Variants in NWD2 observed in about 807,000 individuals in gnomAD.
The protein encoded by NWD2 is NACHT and WD repeat domain-containing protein 2.
Under a neutral mutation model 132.7 loss-of-function variants are expected in NWD2, and 37 were observed. The ratio of observed to expected loss-of-function variants is 0.28; its 90% CI spans 0.21 to 0.37. NWD2 has a LOEUF of 0.37. NWD2 is among the 10% of genes least tolerant of loss of function. The probability of loss-of-function intolerance (pLI) is 1.00; values close to 1 mark genes in which losing one functional copy is unlikely to be tolerated. For synonymous variants in NWD2, 705 were observed against 803.0 expected, an observed-to-expected ratio of 0.88 and a Z score of 2.06; for missense variants, 1,592 against 2,122.4, an observed-to-expected ratio of 0.75 and a Z score of 4.91.
At chr4:37,350,578 T>C (rs180925215) in intron 2 of NWD2, among the ~76,000 whole-genome samples, 440 of 152,344 alleles carry the variant, frequency 2.9e-3, no homozygotes, top group Non-Finnish European at 5.3e-3. Flanking sequence ...TTAAGGAGTT[T>C]TTGGGCTGAG....
At chr4:37,381,623 T>C (rs999942811) in intron 3 of NWD2, among the ~76,000 whole-genome samples, 33 of 152,202 alleles carry the variant, frequency 2.2e-4, no homozygotes, top group African/African-American at 8.0e-4. Flanking sequence ...AATACACAAT[T>C]ATGAAATTAA....
At chr4:37,259,779 C>T (rs1717591718) in intron 1 of NWD2, among the ~76,000 whole-genome samples, 1 of 152,162 alleles carries the variant, frequency 6.6e-6, no homozygotes. Context: ...ATGGATGTTG[C>T]TCCCCAAGTT....
intron 4 of NWD2, among the ~76,000 whole-genome samples, chr4:37,432,997 G>A (rs1424786378): frequency 2.0e-5 from 3 of 152,152 alleles, no homozygotes; most frequent in Non-Finnish European, 2.9e-5. Context: ...TGGGTTATCC[G>A]CAGTTCTCCA....
chr4:37,392,269 T>C (rs1227714009), intron 3 of NWD2, among the ~76,000 whole-genome samples: 6 of 151,848 alleles, frequency 4.0e-5, no homozygotes, highest in Non-Finnish European at 8.8e-5. Flanking sequence ...CACCTGAGAG[T>C]GTAGTACAGA....
intron 2 of NWD2, among the ~76,000 whole-genome samples, chr4:37,344,922 T>C (rs1285156471): frequency 6.6e-6 from 1 of 152,202 alleles, no homozygotes; most frequent in Admixed American, 6.5e-5. Flanking sequence ...GCTTTTTGTC[T>C]CTATGGATTT....
At chr4:37,305,512 C>T (rs1045984323) in intron 1 of NWD2, among the ~76,000 whole-genome samples, 8 of 152,264 alleles carry the variant, frequency 5.3e-5, no homozygotes, top group South Asian at 2.1e-4. Flanking sequence ...CGTTGAAGTA[C>T]GTTCTTTCTG....
chr4:37,306,667 T>C (rs1025646212), intron 1 of NWD2, among the ~76,000 whole-genome samples: 1 of 152,256 alleles, frequency 6.6e-6, no homozygotes, highest in African/African-American at 2.4e-5. Flanking sequence ...ATACTTGATA[T>C]GATTTTAGTT....
At chr4:37,389,935 A>T (rs1026294374) in intron 3 of NWD2, among the ~76,000 whole-genome samples, 6 of 151,966 alleles carry the variant, frequency 3.9e-5, no homozygotes, top group African/African-American at 1.5e-4. Context: ...CCCCACCACC[A>T]TGCCTGGCTA....
chr4:37,244,962 G>A lies in NWD2; in HGVS notation c.-106G>A. ...GCTCGGAGCGGCTCTGAGCCGCGCC[G>A]CCTGCTGAGATCGACCGCCTGCTGA... On this transcript the variant is annotated 5_prime_UTR_variant, in exon 1 of 7. Transcript: ENST00000309447. This position sits in a 1 kb window ranked among gnomAD's most constrained non-coding sequence, Gnocchi z 5.5. 6.9e-7 allele frequency: 1 copy of A among 1,447,884 alleles called. No homozygotes were observed. The highest frequency in any genetic ancestry group is 9.2e-7 in the Non-Finnish European group (1 of 1,081,418). The allele number at this position is 1,447,884 out of a possible 1,614,324, so 89.7% of individuals were successfully genotyped here. A position where few individuals can be genotyped will look rare whatever the true frequency, so the allele number is the denominator to read the frequency against.
At chr4:37,304,553 A>G (rs1028613261) in intron 1 of NWD2, among the ~76,000 whole-genome samples, 1 of 147,010 alleles carries the variant, frequency 6.8e-6, no homozygotes. Context: ...TCTGGGATAC[A>G]GTGGGGGTAC....
In NWD2 at chr4:37,447,104, AGTG is replaced by A; in HGVS notation, c.5117_5119del (p.Ser1706_Asp1707delinsAsn). The A allele has an allele frequency of 6.4e-7, 1 of 1,551,594 alleles. No individual in the cohort carries two copies. On this transcript the variant is annotated inframe_deletion, in exon 7 of 7. Transcript: ENST00000309447. The stretch of plus-strand genomic sequence containing the variant: ...TGCAAGAGACAGCCCCATCACAGTT[AGTG>A]ACTCTACTGAGTCCAATGAAGCAAC...
Position 37,438,904 on chromosome 4 carries a change from GA to G in NWD2, c.814del (p.Ile272SerfsTer10). ...RKIANIERFV[K>X]IPEMGKYMDI... is the part of the protein sequence containing the mutation. ...AAATTGCTAACATTGAGCGCTTTGT[GA>G]AAATCCCAGAGATGGGAAAATACAT... is the stretch of plus-strand genomic sequence containing the variant. On this transcript the variant is annotated frameshift_variant, in exon 6 of 7. Coordinates refer to ENST00000309447, the MANE Select transcript of NWD2 (RefSeq NM_001144990.2). LOFTEE classifies it high-confidence loss of function. 6.4e-7 allele frequency: 1 copy of G among 1,551,956 alleles called. No individual in the cohort carries two copies.
intron 1 of NWD2, among the ~76,000 whole-genome samples, chr4:37,298,670 T>C (rs1042363754): frequency 1.3e-5 from 2 of 152,114 alleles, no homozygotes; most frequent in Admixed American, 1.3e-4. Flanking sequence ...AGAAAATCAT[T>C]ATTTGACAAC....
At chr4:37,409,452 A>G (rs2109318476) in intron 3 of NWD2, among the ~76,000 whole-genome samples, 1 of 152,094 alleles carries the variant, frequency 6.6e-6, no homozygotes, top group South Asian at 2.1e-4. Flanking sequence ...TGAAGACAAG[A>G]TTATGGAAAA....
chr4:37,339,676 T>A (rs1719480034), intron 2 of NWD2, among the ~76,000 whole-genome samples: 1 of 152,196 alleles, frequency 6.6e-6, no homozygotes, highest in Non-Finnish European at 1.5e-5. Flanking sequence ...AGCTATTTCT[T>A]TTTCTTTCTT....
intron 1 of NWD2, among the ~76,000 whole-genome samples, chr4:37,305,091 G>A (rs749785902): frequency 5.3e-5 from 8 of 152,212 alleles, no homozygotes; most frequent in Admixed American, 2.6e-4. Context: ...TCAACGCTAC[G>A]TGGAAGTTGC....
At chr4:37,392,992 C>T (rs1455537144) in intron 3 of NWD2, among the ~76,000 whole-genome samples, 4 of 152,178 alleles carry the variant, frequency 2.6e-5, no homozygotes, top group Non-Finnish European at 4.4e-5. Flanking sequence ...CTCGGTCTGA[C>T]ATAAAATCAT....
chr4:37,292,155 C>A (rs571244846), intron 1 of NWD2, among the ~76,000 whole-genome samples: 1 of 152,098 alleles, frequency 6.6e-6, no homozygotes, highest in Admixed American at 6.6e-5. Context: ...TTAGGCGATC[C>A]GTTGTCAGGG....
chr4:37,410,758 C>T (rs1473916668), intron 3 of NWD2, among the ~76,000 whole-genome samples: 7 of 152,184 alleles, frequency 4.6e-5, no homozygotes, highest in Non-Finnish European at 8.8e-5. Context: ...AAACACTCCT[C>T]AGCCAATGCA....
Sources: gnomAD v4.1 joint callset for allele counts (sites outside exome capture counted in the v4.1 genomes callset) on GRCh38, gnomAD v4.1.1 for gene constraint, Gnocchi (gnomAD v3.1) non-coding constraint, MANE v1.5 for transcripts, NCBI Gene and HGNC (gene_info 2026-07-23, HGNC 2026-07-21) for gene names.